Variants in CORO7 observed in about 807,000 individuals in gnomAD.
CORO7 encodes the protein coronin 7, also known as coronin-7.
A neutral mutation model predicts 126.6 loss-of-function variants in CORO7; 107 were observed. The ratio of observed to expected loss-of-function variants is 0.85; its 90% CI spans 0.72 to 0.99. The LOEUF (loss-of-function observed/expected upper bound fraction) is 0.99, where lower values mean the gene tolerates loss of function less well. Ranked by LOEUF, CORO7 falls within the 50% of genes least tolerant of loss-of-function variation. The pLI is 0.00. For synonymous variants in CORO7, 603 were observed against 536.8 expected (o/e 1.12, Z -1.70); for missense variants, 1,314 against 1,255.8 (o/e 1.05, Z -0.70).
Position 4,389,171 on chromosome 16 carries a change from G to A in CORO7, c.616-540C>T, listed in dbSNP as rs112281705. Among the ~76,000 whole-genome samples the A allele has an allele frequency of 3.1e-3, 473 of 152,324 alleles. 5 individuals carry two copies. Among genetic ancestry groups the A allele is most frequent in the African/African-American group, 0.011 (450 of 41,578 alleles). ...ATCACTGTGGCTGCCCCAGGCAAGAGGCAGGGCCTGGGACCCACCTCTGGG... is the reference window on the plus strand; with the variant it reads ...ATCACTGTGGCTGCCCCAGGCAAGAAGCAGGGCCTGGGACCCACCTCTGGG... On this transcript the variant is annotated intron_variant, in intron 7 of 27. Coordinates refer to ENST00000251166, the MANE Select transcript of CORO7 (RefSeq NM_024535.5).
intron 9 of CORO7, among the ~76,000 whole-genome samples, chr16:4,366,629 C>T (rs2054358227): frequency 1.3e-5 from 2 of 151,152 alleles, no homozygotes; most frequent in Middle Eastern, 6.8e-3. Flanking sequence ...GCAGCCTCAA[C>T]CTCCTGGGCT....
chr16:4,372,559 T>G (rs1457348681), intron 9 of CORO7, among the ~76,000 whole-genome samples: 3 of 152,136 alleles, frequency 2.0e-5, no homozygotes, highest in Non-Finnish European at 4.4e-5. Flanking sequence ...CCAGGGCCCT[T>G]AGAGCTTCGG....
In CORO7 at chr16:4,364,315, AG is replaced by A; in HGVS notation, c.1235del (p.Pro412LeufsTer3). ...CACCCACGGGTGTCTCCATCACCGC[AG>A]GCTGGGCTGTGTCAGGGAGGGGCTC... The part of the protein sequence containing the change: ...PAEPLPDTAQ[P>X]AVMETPVGDA... On this transcript the variant is annotated frameshift_variant, in exon 14 of 28. Coordinates refer to ENST00000251166, the MANE Select transcript of CORO7 (RefSeq NM_024535.5). LOFTEE classifies it high-confidence loss of function. 1 of 1,548,820 alleles carries A rather than the reference AG, an allele frequency of 6.5e-7. No individual in the cohort carries two copies. Among genetic ancestry groups the A allele is most frequent in the Non-Finnish European group, 8.7e-7 (1 of 1,151,254 alleles).
Position 4,405,482 on chromosome 16 carries a change from C to G in CORO7, c.564+9G>C. The G allele has an allele frequency of 6.2e-7, 1 of 1,611,212 alleles. No homozygotes were observed. Among genetic ancestry groups the G allele is most frequent in the Non-Finnish European group, 8.5e-7 (1 of 1,179,414 alleles). The stretch of plus-strand genomic sequence containing the variant: ...GAGCCCCACAGGGCATCCCCACCTG[C>G]CTGCTCACCTTGCACGCCGTGCCCA... On this transcript the variant is annotated intron_variant, in intron 6 of 27. Transcript: ENST00000251166.
At chr16:4,404,507 G>T (rs528588558) in intron 6 of CORO7, among the ~76,000 whole-genome samples, 1 of 152,130 alleles carries the variant, frequency 6.6e-6, no homozygotes, top group Non-Finnish European at 1.5e-5. Flanking sequence ...ACCTGCAGCC[G>T]GATTCTGCTC....
intron 3 of CORO7, among the ~76,000 whole-genome samples, chr16:4,410,292 G>T (rs1452905890): frequency 6.6e-6 from 1 of 152,144 alleles, no homozygotes; most frequent in Non-Finnish European, 1.5e-5. Context: ...GGGCATGGTG[G>T]TGTGTGCCTA....
chr16:4,357,693 G>A (rs1021878606), intron 25 of CORO7: 6 of 491,676 alleles, frequency 1.2e-5, no homozygotes, highest in Non-Finnish European at 2.1e-5. Context: ...CTAAGAGGTG[G>A]TATTAACAGT....
At chr16:4,355,549 A>G in intron 26 of CORO7, 177 bp from the exon 27 acceptor site, 1 of 655,034 alleles carries the variant, frequency 1.5e-6, no homozygotes, top group Non-Finnish European at 2.6e-6. Flanking sequence ...GCTCACTGCA[A>G]GCTCTGCCTC....
Position 4,390,099 on chromosome 16 carries a change from T to C in CORO7, c.616-1468A>G, listed in dbSNP as rs80144187. ...CCGTGGAATAAACACATCGGGGAGG[T>C]AGATGTAGGCCAAAGAGAAATCAGT... On this transcript the variant is annotated intron_variant, in intron 7 of 27. Transcript: ENST00000251166. Among the ~76,000 whole-genome samples, 490 of 151,688 alleles carry C rather than the reference T, an allele frequency of 3.2e-3. 6 individuals are homozygous for C. The highest frequency in any genetic ancestry group is 0.011 in the African/African-American group (466 of 41,284).
intron 6 of CORO7, among the ~76,000 whole-genome samples, chr16:4,400,573 C>A (rs575678548): frequency 3.5e-4 from 54 of 152,120 alleles, no homozygotes; most frequent in African/African-American, 1.3e-3. Context: ...GCAGAGGTTG[C>A]GGTGAGCTGA....
At chr16:4,407,751 A>AC in intron 4 of CORO7, 67 bp from the exon 5 acceptor site, 3 of 1,481,864 alleles carry the variant, frequency 2.0e-6, no homozygotes, top group Non-Finnish European at 2.7e-6. Flanking sequence ...AGCTGCCGTG[A>AC]CCCCAGTGAG....
chr16:4,381,654 C>T, intron 9 of CORO7: 1 of 1,602,772 alleles, frequency 6.2e-7, no homozygotes, highest in Non-Finnish European at 8.5e-7. Context: ...GGCCCGAGGA[C>T]CTGGCCGGCC....
rs563794170 is a variant in CORO7, at chr16:4,414,615, C to A, written c.61-1211G>T. ...CATGTTTACTGTATAAACACAGTGACTGCAAATATCTCTGAAAAGAACAGA... is the reference window on the plus strand; with the variant it reads ...CATGTTTACTGTATAAACACAGTGAATGCAAATATCTCTGAAAAGAACAGA... On this transcript the variant is annotated intron_variant, in intron 1 of 27. Transcript: ENST00000251166. 2.0e-5 allele frequency among the ~76,000 whole-genome samples: 3 copies of A among 152,298 alleles called. No homozygotes were observed. In the South Asian group the frequency reaches 6.2e-4, roughly 32 times the overall value.
intron 7 of CORO7, among the ~76,000 whole-genome samples, chr16:4,392,491 C>T (rs764660546): frequency 1.4e-4 from 22 of 152,366 alleles, no homozygotes; most frequent in Admixed American, 5.9e-4. Context: ...TCAAAGCTCA[C>T]GCCTGAGGCA....
chr16:4,357,406 G>GGAGTGCAATGATGTGACCTAGGCT (rs2054012542), intron 25 of CORO7, 147 bp from the exon 26 acceptor site: 6 of 868,892 alleles, frequency 6.9e-6, no homozygotes, highest in Non-Finnish European at 8.4e-6. Context: ...TGCCCAGGCT[G>GGAGTGCAATGATGTGACCTAGGCT]GAGTGCAATG....
chr16:4,416,345 G>A, intron 1 of CORO7, 114 bp downstream of exon 1: 1 of 1,327,086 alleles, frequency 7.5e-7, no homozygotes, highest in Non-Finnish European at 9.7e-7. Flanking sequence ...CCCGGGGATG[G>A]AGGTCTCGGG....
At chr16:4,380,937 G>A (rs748776594) in intron 9 of CORO7, 488 of 1,590,202 alleles carry the variant, frequency 3.1e-4, no homozygotes, top group Non-Finnish European at 4.1e-4. Flanking sequence ...TGGGGCCTGG[G>A]GTGCAGGGCT....
intron 9 of CORO7, among the ~76,000 whole-genome samples, chr16:4,376,068 A>G (rs572614575): frequency 6.6e-6 from 1 of 152,270 alleles, no homozygotes; most frequent in East Asian, 1.9e-4. Context: ...CCCCCGCTCA[A>G]TCACCAGCCA....
intron 9 of CORO7, among the ~76,000 whole-genome samples, chr16:4,384,378 G>A (rs1261071034): frequency 1.3e-5 from 2 of 152,196 alleles, no homozygotes; most frequent in African/African-American, 2.4e-5. Context: ...CAGGGGGCTT[G>A]GGGACAGTGA....
Sources: gnomAD v4.1 joint callset for allele counts (sites outside exome capture counted in the v4.1 genomes callset) on GRCh38, gnomAD v4.1.1 for gene constraint, MANE v1.5 for transcripts, NCBI Gene and HGNC (gene_info 2026-07-23, HGNC 2026-07-21) for gene names.